Variants in MAD1L1 observed in about 807,000 individuals in gnomAD.
The protein encoded by MAD1L1 is mitotic arrest deficient 1 like 1, also known as mitotic spindle assembly checkpoint protein MAD1.
Under a neutral mutation model 96.9 loss-of-function variants are expected in MAD1L1, and 95 were observed. That is an observed-to-expected ratio of 0.98 (90% confidence interval 0.83 to 1.16). MAD1L1 has a LOEUF of 1.16. Among genes scored for constraint, MAD1L1 ranks in the 50% most tolerant of loss-of-function variants. The pLI is 0.00. For synonymous variants in MAD1L1, 473 were observed against 396.6 expected (o/e 1.19, Z -2.29); for missense variants, 1,007 against 954.4 (o/e 1.06, Z -0.73).
rs1177475633 is a variant in MAD1L1 at position 2,185,292 on chromosome 7, G to A, written c.986+27920C>T. Among the ~76,000 whole-genome samples the A allele has an allele frequency of 3.3e-5, 5 of 151,686 alleles. No individual in the cohort carries two copies. In the East Asian group the frequency reaches 9.7e-4, roughly 30 times the overall value. On this transcript the variant is annotated intron_variant, in intron 10 of 18. Transcript: ENST00000265854. ...ACAATTCCATTTATTTACAATTCAA[G>A]AACACACAAAACTAATTTATGGTAA...
intron 10 of MAD1L1, among the ~76,000 whole-genome samples, chr7:2,151,876 A>G (rs1789588857): frequency 6.6e-6 from 1 of 152,160 alleles, no homozygotes; most frequent in African/African-American, 2.4e-5. Context: ...CCTCTGTCTC[A>G]TGTCATGGGG....
intron 18 of MAD1L1, among the ~76,000 whole-genome samples, chr7:1,819,623 C>G (rs997183207): frequency 2.6e-4 from 40 of 152,318 alleles, no homozygotes; most frequent in African/African-American, 9.6e-4. Context: ...CTAGGGCTGA[C>G]TAGTCTTACT....
chr7:1,833,116 A>G (rs1449561868), intron 18 of MAD1L1, among the ~76,000 whole-genome samples: 3 of 152,230 alleles, frequency 2.0e-5, no homozygotes, highest in African/African-American at 7.2e-5. Context: ...GAACATGTAC[A>G]TTGTTTTTTA....
At chr7:1,993,900 C>T (rs984131425) in intron 14 of MAD1L1, among the ~76,000 whole-genome samples, 2 of 152,230 alleles carry the variant, frequency 1.3e-5, no homozygotes, top group African/African-American at 2.4e-5. Flanking sequence ...TGGGCTAACG[C>T]TGGAGCCCCA....
At chr7:2,073,991 CT>C (rs1441349126) in intron 11 of MAD1L1, among the ~76,000 whole-genome samples, 1 of 152,196 alleles carries the variant, frequency 6.6e-6, no homozygotes, top group African/African-American at 2.4e-5. Flanking sequence ...CAGAACTAGA[CT>C]GTAAAAATCC....
chr7:1,854,627 C>T (rs1333965922), intron 18 of MAD1L1, among the ~76,000 whole-genome samples: 3 of 152,174 alleles, frequency 2.0e-5, no homozygotes, highest in African/African-American at 7.2e-5. Context: ...CTCCTCATGC[C>T]CCTCACAGTG....
chr7:2,219,808 C>A (rs1053096015), intron 5 of MAD1L1, among the ~76,000 whole-genome samples: 3 of 152,246 alleles, frequency 2.0e-5, no homozygotes, highest in Non-Finnish European at 1.5e-5. Flanking sequence ...AGCAGCACAG[C>A]CCAGAGCCTG....
intron 14 of MAD1L1, among the ~76,000 whole-genome samples, chr7:1,983,487 C>G (rs1352654355): frequency 6.6e-6 from 1 of 152,216 alleles, no homozygotes; most frequent in Non-Finnish European, 1.5e-5. Context: ...CCTAAAACGT[C>G]ATTCATTTCC....
At chr7:1,822,662 G>T (rs748919531) in intron 18 of MAD1L1, among the ~76,000 whole-genome samples, 2 of 151,214 alleles carry the variant, frequency 1.3e-5, no homozygotes, top group Admixed American at 6.6e-5. Context: ...GGGCTCAAGC[G>T]ATCCTTTTGC....
At position 2,220,865 on chromosome 7, in the gene MAD1L1, G is replaced by A. The variant is rs761247486; in HGVS notation, c.472-1409C>T. ...AAACACATCCTCCCAGAGGTCTTCC[G>A]AACTCAATTAATACGCACCGTGTGC... is the stretch of plus-strand genomic sequence containing the variant. On this transcript the variant is annotated intron_variant, in intron 5 of 18. Coordinates refer to ENST00000265854, the MANE Select transcript of MAD1L1 (RefSeq NM_001013836.2). The A allele has an allele frequency of 1.5e-5, 24 of 1,592,632 alleles. No homozygotes were observed. In the East Asian group the frequency reaches 3.4e-4, roughly 22 times the overall value.
intron 18 of MAD1L1, among the ~76,000 whole-genome samples, chr7:1,869,890 C>T (rs560535082): frequency 6.6e-6 from 1 of 152,188 alleles, no homozygotes; most frequent in Non-Finnish European, 1.5e-5. Flanking sequence ...GACCCAGGCT[C>T]GTCCCACAAG....
chr7:1,828,459 C>T (rs977700836), intron 18 of MAD1L1, among the ~76,000 whole-genome samples: 39 of 152,248 alleles, frequency 2.6e-4, no homozygotes, highest in African/African-American at 9.1e-4. Context: ...AAATGGCACC[C>T]GAAGCTCACA....
At chr7:1,854,013 G>A (rs112058788) in intron 18 of MAD1L1, among the ~76,000 whole-genome samples, 3,816 of 152,312 alleles carry the variant, frequency 0.025, 103 homozygotes, top group Admixed American at 0.072. Context: ...GCCGTGCACT[G>A]GGAGCTTCAC....
chr7:2,066,621 G>C (rs1784885753), intron 12 of MAD1L1, among the ~76,000 whole-genome samples: 1 of 152,226 alleles, frequency 6.6e-6, no homozygotes, highest in African/African-American at 2.4e-5. Context: ...GCCCTGAGCG[G>C]GCCGGGGTGG....
intron 18 of MAD1L1, chr7:1,848,887 C>T (rs1406872095): frequency 6.5e-6 from 1 of 154,462 alleles, no homozygotes; most frequent in African/African-American, 2.4e-5. Flanking sequence ...TCCTTGCCCA[C>T]TGGTCTGTGC....
chr7:1,945,399 G>A (rs1184669132), intron 16 of MAD1L1, among the ~76,000 whole-genome samples: 1 of 152,230 alleles, frequency 6.6e-6, no homozygotes, highest in East Asian at 1.9e-4. Flanking sequence ...TGTGCTCCTG[G>A]GGCTTAAACC....
At chr7:2,032,747 GGCCAGCTCCTAGCAA>G (rs771045599) in intron 12 of MAD1L1, among the ~76,000 whole-genome samples, 25 of 152,346 alleles carry the variant, frequency 1.6e-4, no homozygotes, top group Non-Finnish European at 2.9e-4. Flanking sequence ...ACCAGGGTCA[GGCCAGCTCCTAGCAA>G]GTGGTGAGGG....
intron 17 of MAD1L1, among the ~76,000 whole-genome samples, chr7:1,927,544 G>A (rs1789160731): frequency 6.6e-6 from 1 of 152,150 alleles, no homozygotes; most frequent in African/African-American, 2.4e-5. Context: ...ATAACGCATG[G>A]CCAACTGGTT....
At chr7:2,072,034 C>G (rs549870619) in intron 11 of MAD1L1, among the ~76,000 whole-genome samples, 2 of 152,336 alleles carry the variant, frequency 1.3e-5, no homozygotes, top group South Asian at 4.1e-4. Flanking sequence ...GTGAGACACT[C>G]CAGCAAATTT....
Sources: gnomAD v4.1 joint callset for allele counts (sites outside exome capture counted in the v4.1 genomes callset) on GRCh38, gnomAD v4.1.1 for gene constraint, MANE v1.5 for transcripts, NCBI Gene and HGNC (gene_info 2026-07-23, HGNC 2026-07-21) for gene names.